TAF4B: variants seen among roughly 807,000 people sequenced by gnomAD.
TAF4B encodes the protein transcription initiation factor TFIID subunit 4B.
Under a neutral mutation model 86.4 loss-of-function variants are expected in TAF4B, and 38 were observed. That is an observed-to-expected ratio of 0.44 (90% CI 0.34 to 0.58). TAF4B has a LOEUF of 0.58. Among genes scored for constraint, TAF4B ranks in the 20% least tolerant of loss-of-function variants. The pLI, the probability that TAF4B is intolerant of heterozygous loss-of-function variation, is 0.02. For synonymous variants in TAF4B, 388 were observed against 391.2 expected (o/e 0.99, Z 0.10); for missense variants, 988 against 1,027.6 (o/e 0.96, Z 0.53).
intron 14 of TAF4B, among the ~76,000 whole-genome samples, chr18:26,361,406 T>A (rs893954411): frequency 4.6e-5 from 7 of 151,220 alleles, no homozygotes; most frequent in Non-Finnish European, 1.0e-4. Context: ...ATTATAGGCA[T>A]GAGCCACACT....
rs1293553604 is a variant in TAF4B at position 26,346,833 on chromosome 18, ATATGTG to A, written c.2317-10855_2317-10850del. Among the ~76,000 whole-genome samples the A allele has an allele frequency of 1.8e-3, 32 of 17,768 alleles. 2 individuals are homozygous for A. Among genetic ancestry groups the A allele is most frequent in the African/African-American group, 3.3e-3 (28 of 8,528 alleles). The allele number at this position is 17,768 out of a possible 152,430, so 11.7% of individuals were successfully genotyped here. A position where few individuals can be genotyped will look rare whatever the true frequency, so the allele number is the denominator to read the frequency against. ...TATATATATGTGTGTGTATATATAT[ATATGTG>A]TGTGTGTATATATATATATGTGTAT... On this transcript the variant is annotated intron_variant, in intron 13 of 14. Coordinates refer to ENST00000269142, the MANE Select transcript of TAF4B (RefSeq NM_005640.3).
intron 10 of TAF4B, among the ~76,000 whole-genome samples, chr18:26,316,372 G>A (rs1368721395): frequency 1.3e-5 from 2 of 149,056 alleles, no homozygotes. Flanking sequence ...AAATGACCAG[G>A]GTTTTCTTCT....
chr18:26,316,955 G>A (rs147325559), intron 10 of TAF4B, among the ~76,000 whole-genome samples: 8 of 151,516 alleles, frequency 5.3e-5, no homozygotes, highest in African/African-American at 1.9e-4. Flanking sequence ...ACTCCTTATT[G>A]CCATATAATT....
At chr18:26,272,191 C>T (rs977795020) in intron 3 of TAF4B, among the ~76,000 whole-genome samples, 8 of 152,100 alleles carry the variant, frequency 5.3e-5, no homozygotes, top group Non-Finnish European at 1.0e-4. Context: ...CCTAATCTTC[C>T]GGTTGCGTCT....
Position 26,274,947 on chromosome 18 carries a change from T to C in TAF4B, c.776T>C (p.Val259Ala), listed in dbSNP as rs2056365949. 3.7e-6 allele frequency: 6 copies of C among 1,613,482 alleles called. No individual in the cohort carries two copies. The East Asian group carries it at 1.3e-4, about 36-fold the overall frequency. Residue 259 changes from valine (V) to alanine (A), a missense_variant, in exon 5 of 15, where the codon GTG (valine) becomes GCG (alanine). Coordinates refer to ENST00000269142, the MANE Select transcript of TAF4B (RefSeq NM_005640.3). ...CATATTTAGACAATGCTAGAAAATG[T>C]GAAGAAATGCAAGAACTTCCTTGCA... ...INLSPTMLEN[V>A]KKCKNFLAML...
intron 10 of TAF4B, among the ~76,000 whole-genome samples, chr18:26,320,369 CTT>C (rs2056951894): frequency 6.6e-6 from 1 of 152,130 alleles, no homozygotes; most frequent in Non-Finnish European, 1.5e-5. Flanking sequence ...ACTTCTGACT[CTT>C]TTGAGTATGT....
At chr18:26,245,330 G>A (rs1196532436) in intron 1 of TAF4B, among the ~76,000 whole-genome samples, 2 of 152,102 alleles carry the variant, frequency 1.3e-5, no homozygotes, top group Non-Finnish European at 2.9e-5. Flanking sequence ...GCAGACCTTC[G>A]TGGTGAGTGT....
At chr18:26,263,985 T>G (rs2056204773) in intron 1 of TAF4B, among the ~76,000 whole-genome samples, 1 of 152,174 alleles carries the variant, frequency 6.6e-6, no homozygotes, top group Admixed American at 6.5e-5. Context: ...ATCTGAAAGG[T>G]CTACCCAAAA....
chr18:26,250,900 A>G (rs1307488747), intron 1 of TAF4B, among the ~76,000 whole-genome samples: 1 of 152,216 alleles, frequency 6.6e-6, no homozygotes, highest in African/African-American at 2.4e-5. Flanking sequence ...TAGGGGAGAT[A>G]TACCATAACT....
intron 9 of TAF4B, among the ~76,000 whole-genome samples, chr18:26,304,613 A>G (rs1598780940): frequency 6.6e-6 from 1 of 152,298 alleles, no homozygotes; most frequent in Non-Finnish European, 1.5e-5. Flanking sequence ...GAACCACTTT[A>G]GTCTTCTTCC....
intron 14 of TAF4B, among the ~76,000 whole-genome samples, chr18:26,388,941 A>G (rs1978539756): frequency 6.6e-6 from 1 of 152,098 alleles, no homozygotes; most frequent in South Asian, 2.1e-4. Context: ...CCTCCCTGGT[A>G]GCTGGGATTA....
chr18:26,311,422 G>C (rs747019185), intron 9 of TAF4B, among the ~76,000 whole-genome samples: 1 of 152,100 alleles, frequency 6.6e-6, no homozygotes, highest in African/African-American at 2.4e-5. Context: ...ATCACCTGAG[G>C]TTAGGAGTTT....
chr18:26,356,894 C>G (rs1265707047), intron 13 of TAF4B, among the ~76,000 whole-genome samples: 1 of 151,128 alleles, frequency 6.6e-6, no homozygotes, highest in African/African-American at 2.4e-5. Flanking sequence ...CATGCATACC[C>G]CTGTATAGTT....
chr18:26,327,674 A>G (rs2057015848), intron 12 of TAF4B, among the ~76,000 whole-genome samples: 2 of 152,198 alleles, frequency 1.3e-5, no homozygotes, highest in Non-Finnish European at 2.9e-5. Context: ...GGGTTTAAGC[A>G]GTTCTCTGCC....
intron 12 of TAF4B, among the ~76,000 whole-genome samples, chr18:26,333,776 ATG>A (rs1395273863): frequency 6.6e-6 from 1 of 152,040 alleles, no homozygotes; most frequent in African/African-American, 2.4e-5. Context: ...CATATCATAA[ATG>A]TGTTTCATTT....
Position 26,274,735 on chromosome 18 carries a change from C to A in TAF4B, c.670C>A (p.Pro224Thr). The change falls in exon 4 of 15, where the codon CCT becomes ACT. Residue 224 changes from proline to threonine, a missense_variant. Around this residue, in one of 3 missense-constraint regions of TAF4B, gnomAD observed 747 missense variants for 737.9 expected, o/e 1.01. Coordinates refer to ENST00000269142, the MANE Select transcript of TAF4B (RefSeq NM_005640.3). ...ATTGAATACTGTAACTACCCTGAAGCCTTCAAGTTTGGGAGCATCATCCAC... is the reference window on the plus strand; with the variant it reads ...ATTGAATACTGTAACTACCCTGAAGACTTCAAGTTTGGGAGCATCATCCAC... ...KPLNTVTTLK[P>T]SSLGASSTPS... 1 of 1,614,166 alleles carries A rather than the reference C, an allele frequency of 6.2e-7. No homozygotes were observed. The highest frequency in any genetic ancestry group is 2.2e-5 in the East Asian group (1 of 44,876).
intron 9 of TAF4B, among the ~76,000 whole-genome samples, chr18:26,295,482 T>C (rs1270213161): frequency 6.6e-6 from 1 of 152,214 alleles, no homozygotes; most frequent in African/African-American, 2.4e-5. Flanking sequence ...ATCTCTCATT[T>C]GTGCAGTTCA....
Position 26,274,638 on chromosome 18 carries a change from A to G in TAF4B, c.598-25A>G, listed in dbSNP as rs755698059. ...TAATGTATCATAGTAATACATGCCT[A>G]AATATTTAATACCTTTAATTTCAGT... is the stretch of plus-strand genomic sequence containing the variant. On this transcript the variant is annotated intron_variant, in intron 3 of 14. Coordinates refer to ENST00000269142, the MANE Select transcript of TAF4B (RefSeq NM_005640.3). The G allele has an allele frequency of 9.9e-6, 16 of 1,613,486 alleles. No homozygotes were observed. The African/African-American group carries it at 2.1e-4, about 22-fold the overall frequency.
intron 13 of TAF4B, among the ~76,000 whole-genome samples, chr18:26,345,367 T>C (rs1262150499): frequency 1.3e-5 from 2 of 152,248 alleles, no homozygotes; most frequent in African/African-American, 4.8e-5. Context: ...GGGCTGCTCC[T>C]TGCAGGCATG....
Sources: allele counts gnomAD v4.1 joint callset (sites outside exome capture counted in the v4.1 genomes callset), GRCh38; gene constraint gnomAD v4.1.1; regional missense constraint gnomAD v4.1.1; transcripts MANE v1.5; gene names NCBI Gene and HGNC (gene_info 2026-07-23, HGNC 2026-07-21).